ENTREP2: variants seen among roughly 807,000 people sequenced by gnomAD.
ENTREP2 encodes endosomal transmembrane epsin interactor 2.
the ENTREP2 span, among the ~76,000 whole-genome samples, chr15:29,367,344 T>C: frequency 6.6e-6 from 1 of 152,206 alleles, no homozygotes; most frequent in African/African-American, 2.4e-5. Context: ...TTCTGGTGAT[T>C]CCCTAGAAGA....
the ENTREP2 span, among the ~76,000 whole-genome samples, chr15:29,251,083 A>G: frequency 6.6e-6 from 1 of 152,202 alleles, no homozygotes; most frequent in Non-Finnish European, 1.5e-5. Context: ...GAATCCAAAC[A>G]ACATGGTCCC....
the ENTREP2 span, chr15:29,124,564 GC>G: frequency 1.4e-6 from 1 of 739,758 alleles, no homozygotes; most frequent in Non-Finnish European, 2.2e-6. Context: ...ACAGTGGGCA[GC>G]CCCCATTCCC....
chr15:29,142,966 C>T, the ENTREP2 span, among the ~76,000 whole-genome samples: 2 of 152,082 alleles, frequency 1.3e-5, no homozygotes, highest in Non-Finnish European at 2.9e-5. Flanking sequence ...TGTCTTTTGC[C>T]ACGATTTCCA....
At chr15:29,310,673 G>A in the ENTREP2 span, among the ~76,000 whole-genome samples, 1 of 152,194 alleles carries the variant, frequency 6.6e-6, no homozygotes, top group Non-Finnish European at 1.5e-5. Context: ...GTACATCAAG[G>A]TGCATGGAAG....
chr15:29,373,597 TTC>T, the ENTREP2 span: 12 of 152,182 alleles, frequency 7.9e-5, no homozygotes, highest in African/African-American at 2.9e-4. Flanking sequence ...TTTCTTTTCA[TTC>T]TCTTTATTAT....
chr15:29,364,856 C>T, the ENTREP2 span, among the ~76,000 whole-genome samples: 1 of 152,164 alleles, frequency 6.6e-6, no homozygotes, highest in Non-Finnish European at 1.5e-5. Context: ...CAGCCTCCGC[C>T]ACTACCACCA....
the ENTREP2 span, among the ~76,000 whole-genome samples, chr15:29,642,451 TACAC>T: frequency 3.4e-5 from 5 of 148,720 alleles, no homozygotes; most frequent in Admixed American, 2.7e-4. Flanking sequence ...CATATATATA[TACAC>T]ACACACATAT....
chr15:29,565,028 A>C, the ENTREP2 span, among the ~76,000 whole-genome samples: 1 of 152,200 alleles, frequency 6.6e-6, no homozygotes, highest in African/African-American at 2.4e-5. Context: ...TCTGAATTGG[A>C]AGATTTAATA....
the ENTREP2 span, among the ~76,000 whole-genome samples, chr15:29,633,947 A>T: frequency 6.6e-6 from 1 of 151,998 alleles, no homozygotes; most frequent in Non-Finnish European, 1.5e-5. Context: ...TGGAGACTTC[A>T]TCTCAAAAAA....
At chr15:29,291,855 GTTT>G in the ENTREP2 span, among the ~76,000 whole-genome samples, 1 of 149,396 alleles carries the variant, frequency 6.7e-6, no homozygotes, top group Non-Finnish European at 1.5e-5. Context: ...GTTTGCATAG[GTTT>G]TTTTTTTCTT....
At chr15:29,222,326 C>T in the ENTREP2 span, among the ~76,000 whole-genome samples, 3 of 152,158 alleles carry the variant, frequency 2.0e-5, no homozygotes, top group African/African-American at 7.2e-5. Flanking sequence ...CATGAATAAT[C>T]CTCCCCTTGT....
At chr15:29,552,131 G>A in the ENTREP2 span, among the ~76,000 whole-genome samples, 1 of 152,152 alleles carries the variant, frequency 6.6e-6, no homozygotes, top group Non-Finnish European at 1.5e-5. Flanking sequence ...TCCCCATCTT[G>A]ATGAGCAGTC....
the ENTREP2 span, among the ~76,000 whole-genome samples, chr15:29,587,939 G>A: frequency 6.6e-6 from 1 of 152,198 alleles, no homozygotes; most frequent in Admixed American, 6.5e-5. Flanking sequence ...AATTACAGGT[G>A]TGAGCCACCA....
At chr15:29,135,832 A>T in the ENTREP2 span, among the ~76,000 whole-genome samples, 1 of 152,140 alleles carries the variant, frequency 6.6e-6, no homozygotes, top group African/African-American at 2.4e-5. This position sits in a 1 kb window ranked among gnomAD's most constrained non-coding sequence, Gnocchi z 7.4. Flanking sequence ...AGGACCAGGG[A>T]TCCAGGGCTG....
the ENTREP2 span, chr15:29,265,270 T>C: frequency 6.6e-6 from 1 of 152,192 alleles, no homozygotes; most frequent in Non-Finnish European, 1.5e-5. Context: ...AATAATATAT[T>C]GCATTTTCAG....
At chr15:29,130,946 G>C in the ENTREP2 span, among the ~76,000 whole-genome samples, 39,295 of 152,160 alleles carry the variant, frequency 0.26, 5,468 homozygotes, top group Non-Finnish European at 0.32. Context: ...TACAGAAGGA[G>C]AGCGGGGAGA....
At chr15:29,506,936 C>T in the ENTREP2 span, among the ~76,000 whole-genome samples, 1 of 152,002 alleles carries the variant, frequency 6.6e-6, no homozygotes, top group East Asian at 1.9e-4. Flanking sequence ...GGGCTGAATG[C>T]CCCCAATTAA....
the ENTREP2 span, among the ~76,000 whole-genome samples, chr15:29,403,059 G>C: frequency 6.6e-6 from 1 of 152,158 alleles, no homozygotes; most frequent in African/African-American, 2.4e-5. Context: ...GTCTGAGTGA[G>C]AGGCAGCAAA....
chr15:29,207,382 A>G, the ENTREP2 span, among the ~76,000 whole-genome samples: 1 of 149,544 alleles, frequency 6.7e-6, no homozygotes, highest in Non-Finnish European at 1.5e-5. Context: ...GAGTGATAAC[A>G]AAGTTTATTA....
Sources: allele counts gnomAD v4.1 joint callset (sites outside exome capture counted in the v4.1 genomes callset), GRCh38; gene constraint gnomAD v4.1.1; non-coding constraint Gnocchi (gnomAD v3.1); transcripts MANE v1.5; gene names NCBI Gene and HGNC (gene_info 2026-07-23, HGNC 2026-07-21).